Variants in ADO observed in about 807,000 individuals in gnomAD.
ADO encodes 2-aminoethanethiol dioxygenase.
In ADO, 9 loss-of-function variants were observed where a neutral mutation model predicts 16.6. The ratio of observed to expected loss-of-function variants is 0.54; its 90% confidence interval spans 0.33 to 0.95. ADO has a LOEUF of 0.95. Ranked by LOEUF, ADO falls within the 40% of genes least tolerant of loss-of-function variation. The pLI is 0.03. For missense variants in ADO, 356 were observed against 386.4 expected, an observed-to-expected ratio of 0.92 and a Z score of 0.66; for synonymous variants, 189 against 179.6, an observed-to-expected ratio of 1.05 and a Z score of -0.42.
At position 62,805,901 on chromosome 10, in the gene ADO, G is replaced by A. The variant is rs778561789; in HGVS notation, c.*29G>A. The A allele has an allele frequency of 1.4e-6, 2 of 1,459,286 alleles. No homozygotes were observed. The highest frequency in any genetic ancestry group is 2.8e-5 in the South Asian group (2 of 70,468). 90.4% of individuals were successfully genotyped at this position (1,459,286 alleles called of 1,614,324 possible). A position where few individuals can be genotyped will look rare whatever the true frequency, so the allele number is the denominator to read the frequency against. ...CACTGGCGCCCAGGAGCGGTGGGCCGAAGACGTGCCCTACCCTACCACAAG... is the reference window on the plus strand; with the variant it reads ...CACTGGCGCCCAGGAGCGGTGGGCCAAAGACGTGCCCTACCCTACCACAAG... On this transcript the variant is annotated 3_prime_UTR_variant, in exon 1 of 1. Transcript: ENST00000373783. The surrounding 1 kb of genome is among the most constrained non-coding windows in gnomAD (Gnocchi z 6.4).
chr10:62,805,056 G>T lies in ADO; in HGVS notation c.-4G>T, dbSNP rs549513740. 8.2e-5 allele frequency: 121 copies of T among 1,469,022 alleles called. No homozygotes were observed. The East Asian group carries it at 2.7e-3, about 32-fold the overall frequency. 91.0% of individuals were successfully genotyped at this position (1,469,022 alleles called of 1,614,324 possible). On this transcript the variant is annotated 5_prime_UTR_variant, in exon 1 of 1. Transcript: ENST00000373783. The surrounding 1 kb of genome is among the most constrained non-coding windows in gnomAD (Gnocchi z 6.4). ...GGTCCCGGCACGCAGAGGAGCAGCCGACCATGCCCCGAGACAACATGGCCT... is the reference window on the plus strand; with the variant it reads ...GGTCCCGGCACGCAGAGGAGCAGCCTACCATGCCCCGAGACAACATGGCCT...
rs1161386828 is a variant in ADO, at chr10:62,806,065, CT to C, written c.*194del. ...TATGGGGGCGGGGTGGGCGGGGAGG[CT>C]AGATTGTTTCCTGGTACTGTCACTG... On this transcript the variant is annotated 3_prime_UTR_variant, in exon 1 of 1. Transcript: ENST00000373783. 1 of 514,206 alleles carries C rather than the reference CT, an allele frequency of 1.9e-6. No homozygotes were observed. Among genetic ancestry groups the C allele is most frequent in the Non-Finnish European group, 3.5e-6 (1 of 286,516 alleles). 31.9% of individuals were successfully genotyped at this position (514,206 alleles called of 1,614,324 possible).
In ADO at chr10:62,806,095, C is replaced by T. The variant is rs1221914481; in HGVS notation, c.*223C>T. 8.1e-6 allele frequency: 4 copies of T among 493,462 alleles called. No individual in the cohort carries two copies. The highest frequency in any genetic ancestry group is 6.1e-5 in the African/African-American group (3 of 49,088). The allele number at this position is 493,462 out of a possible 1,614,324, so 30.6% of individuals were successfully genotyped here. A position where few individuals can be genotyped will look rare whatever the true frequency, so the allele number is the denominator to read the frequency against. On this transcript the variant is annotated 3_prime_UTR_variant, in exon 1 of 1. Transcript: ENST00000373783. ...TTGTTTCCTGGTACTGTCACTGCCA[C>T]TGGGGCTTTGATTTGGAGGAATGGG...
Position 62,807,808 on chromosome 10 carries a change from AAG to A in ADO, c.*1938_*1939del, listed in dbSNP as rs1242075317. The stretch of plus-strand genomic sequence containing the variant: ...TTTCTTAGAAAACTTCACAAAATAA[AAG>A]ATCTTGTTTTTTTTTCCATAGCACA... On this transcript the variant is annotated 3_prime_UTR_variant, in exon 1 of 1. Coordinates refer to ENST00000373783, the MANE Select transcript of ADO (RefSeq NM_032804.6). The A allele has an allele frequency of 6.0e-6, 1 of 167,200 alleles. No homozygotes were observed. Among genetic ancestry groups the A allele is most frequent in the East Asian group, 1.9e-4 (1 of 5,348 alleles). The allele number at this position is 167,200 out of a possible 1,614,324, so 10.4% of individuals were successfully genotyped here.
At position 62,807,446 on chromosome 10, in the gene ADO, G is replaced by A. The variant is rs1035315133; in HGVS notation, c.*1574G>A. 6.0e-6 allele frequency: 1 copy of A among 167,198 alleles called. No individual in the cohort carries two copies. Among genetic ancestry groups the A allele is most frequent in the Non-Finnish European group, 1.5e-5 (1 of 68,120 alleles). 10.4% of individuals were successfully genotyped at this position (167,198 alleles called of 1,614,324 possible). On this transcript the variant is annotated 3_prime_UTR_variant, in exon 1 of 1. Transcript: ENST00000373783. ...TATTAGTGGAATGTTGACCCCGTAT[G>A]TAGAGAAACAGTACGTGCCTTTGCC...
rs200590234 is a variant in ADO at position 62,805,915 on chromosome 10, C to T, written c.*43C>T. 421 of 1,431,774 alleles carry T rather than the reference C, an allele frequency of 2.9e-4. No homozygotes were observed. Among genetic ancestry groups the T allele is most frequent in the Non-Finnish European group, 3.6e-4 (386 of 1,083,124 alleles). The allele number at this position is 1,431,774 out of a possible 1,614,324, so 88.7% of individuals were successfully genotyped here. ...AGCGGTGGGCCGAAGACGTGCCCTACCCTACCACAAGGGCTGTGTCTCTAC... is the reference window on the plus strand; with the variant it reads ...AGCGGTGGGCCGAAGACGTGCCCTATCCTACCACAAGGGCTGTGTCTCTAC... On this transcript the variant is annotated 3_prime_UTR_variant, in exon 1 of 1. Coordinates refer to ENST00000373783, the MANE Select transcript of ADO (RefSeq NM_032804.6). The surrounding 1 kb of genome is among the most constrained non-coding windows in gnomAD (Gnocchi z 6.4).
rs1219408884 is a variant in ADO, at chr10:62,808,290, T to C, written c.*2418T>C. 1 of 167,298 alleles carries C rather than the reference T, an allele frequency of 6.0e-6. No homozygotes were observed. Among genetic ancestry groups the C allele is most frequent in the East Asian group, 1.9e-4 (1 of 5,348 alleles). 10.4% of individuals were successfully genotyped at this position (167,298 alleles called of 1,614,324 possible). On this transcript the variant is annotated 3_prime_UTR_variant, in exon 1 of 1. Transcript: ENST00000373783. ...GTGCAGAAACTATCTTGCACCTGTGTGCATAAACTGTTAGTCGTGACTGAC... is the reference window on the plus strand; with the variant it reads ...GTGCAGAAACTATCTTGCACCTGTGCGCATAAACTGTTAGTCGTGACTGAC...
Position 62,805,556 on chromosome 10 carries a change from G to A in ADO, c.497G>A (p.Arg166Gln). The change falls in exon 1 of 1, where the codon CGG becomes CAG. Residue 166 changes from arginine (R) to glutamine (Q), a missense_variant. Arg to Gln is a conservative substitution (Grantham distance 43). Transcript: ENST00000373783. The surrounding 1 kb of genome is among the most constrained non-coding windows in gnomAD (Gnocchi z 6.4). Reference protein sequence around the residue: ...PLQPREREAVRPGVLRSRAEY... With the variant: ...PLQPREREAVQPGVLRSRAEY... Reference sequence around the variant, plus strand: ...CAGCCCCGGGAGCGAGAAGCCGTGCGGCCGGGCGTGCTGCGTTCGCGGGCC... The same window carrying A: ...CAGCCCCGGGAGCGAGAAGCCGTGCAGCCGGGCGTGCTGCGTTCGCGGGCC... 6.4e-7 allele frequency: 1 copy of A among 1,555,152 alleles called. No homozygotes were observed.
Position 62,805,887 on chromosome 10 carries a change from A to T in ADO, c.*15A>T. ...TCTTCCCTTGAAGCCACTGGCGCCC[A>T]GGAGCGGTGGGCCGAAGACGTGCCC... On this transcript the variant is annotated 3_prime_UTR_variant, in exon 1 of 1. Transcript: ENST00000373783. The surrounding 1 kb of genome is among the most constrained non-coding windows in gnomAD (Gnocchi z 6.4). 1 of 1,475,240 alleles carries T rather than the reference A, an allele frequency of 6.8e-7. No individual in the cohort carries two copies. The highest frequency in any genetic ancestry group is 9.0e-7 in the Non-Finnish European group (1 of 1,109,052). 91.4% of individuals were successfully genotyped at this position (1,475,240 alleles called of 1,614,324 possible). A position where few individuals can be genotyped will look rare whatever the true frequency, so the allele number is the denominator to read the frequency against.
rs769221523 is a variant in ADO at position 62,805,859 on chromosome 10, A to G, written c.800A>G (p.Lys267Arg). 1.3e-6 allele frequency: 2 copies of G among 1,516,146 alleles called. No individual in the cohort carries two copies. The highest frequency in any genetic ancestry group is 1.4e-5 in the African/African-American group (1 of 71,340). 93.9% of individuals were successfully genotyped at this position (1,516,146 alleles called of 1,614,324 possible). A position where few individuals can be genotyped will look rare whatever the true frequency, so the allele number is the denominator to read the frequency against. Residue 267 changes from lysine (K) to arginine (R), a missense_variant, in exon 1 of 1, where the codon AAG becomes AGG. Lys to Arg is a conservative substitution (Grantham distance 26, BLOSUM62 2). Transcript: ENST00000373783. This position sits in a 1 kb window ranked among gnomAD's most constrained non-coding sequence, Gnocchi z 6.4. ...GAGGGAGAACCCTATCCAGGTCCCA[A>G]GGTCTTCCCTTGAAGCCACTGGCGC... ...WCEGEPYPGP[K>R]VFP is the part of the protein sequence containing the mutation.
Position 62,805,984 on chromosome 10 carries a change from C to G in ADO, c.*112C>G. The G allele has an allele frequency of 1.1e-6, 1 of 944,430 alleles. No homozygotes were observed. 58.5% of individuals were successfully genotyped at this position (944,430 alleles called of 1,614,324 possible). On this transcript the variant is annotated 3_prime_UTR_variant, in exon 1 of 1. Transcript: ENST00000373783. The surrounding 1 kb of genome is among the most constrained non-coding windows in gnomAD (Gnocchi z 6.4). ...GATCTACTGGAATGAGCAGCAGCCG[C>G]TTCCTCGGCAGCCTTGGGAAGCACG...
Position 62,805,329 on chromosome 10 carries a change from C to G in ADO, c.270C>G (p.Ile90Met). The part of the protein sequence containing the change: ...PNLPPVTYMH[I>M]YETDGFSLGV... ...TGCCGCCAGTCACCTACATGCACAT[C>G]TACGAGACGGACGGCTTCAGCCTGG... is the stretch of plus-strand genomic sequence containing the variant. Residue 90 changes from isoleucine to methionine, a missense_variant, in exon 1 of 1, where the codon ATC becomes ATG. Physicochemically the swap from Ile to Met is conservative, Grantham distance 10. Coordinates refer to ENST00000373783, the MANE Select transcript of ADO (RefSeq NM_032804.6). This position sits in a 1 kb window ranked among gnomAD's most constrained non-coding sequence, Gnocchi z 6.4. The G allele has an allele frequency of 6.2e-7, 1 of 1,604,000 alleles. No individual in the cohort carries two copies. Among genetic ancestry groups the G allele is most frequent in the Non-Finnish European group, 8.5e-7 (1 of 1,179,018 alleles).
chr10:62,807,850 TATCA>T lies in ADO; in HGVS notation c.*1983_*1986del, dbSNP rs1384354497. ...TCCATAGCACAGTAATGAATGTGGTTATCAATCACATACTTTTTTGGATTATATT... is the reference window on the plus strand; with the variant it reads ...TCCATAGCACAGTAATGAATGTGGTTATCACATACTTTTTTGGATTATATT... On this transcript the variant is annotated 3_prime_UTR_variant, in exon 1 of 1. Transcript: ENST00000373783. 6.0e-6 allele frequency: 1 copy of T among 167,210 alleles called. No homozygotes were observed. The allele number at this position is 167,210 out of a possible 1,614,324, so 10.4% of individuals were successfully genotyped here.
In ADO at chr10:62,805,845, C is replaced by T. The variant is rs758463123; in HGVS notation, c.786C>T (p.Pro262=). The change falls in exon 1 of 1, where the codon CCC becomes CCT. Residue 262 remains proline, a synonymous_variant. Coordinates refer to ENST00000373783, the MANE Select transcript of ADO (RefSeq NM_032804.6). The surrounding 1 kb of genome is among the most constrained non-coding windows in gnomAD (Gnocchi z 6.4). ...ATGACTTCTGGTGCGAGGGAGAACC[C>T]TATCCAGGTCCCAAGGTCTTCCCTT... ...QADDFWCEGE[P]YPGPKVFP 1.6e-5 allele frequency: 25 copies of T among 1,539,368 alleles called. No individual in the cohort carries two copies. The South Asian group carries it at 2.9e-4, about 18-fold the overall frequency.
At position 62,807,984 on chromosome 10, in the gene ADO, A is replaced by G. The variant is rs1398368242; in HGVS notation, c.*2112A>G. 6.0e-6 allele frequency: 1 copy of G among 167,096 alleles called. No individual in the cohort carries two copies. Among genetic ancestry groups the G allele is most frequent in the Non-Finnish European group, 1.5e-5 (1 of 68,124 alleles). 10.4% of individuals were successfully genotyped at this position (167,096 alleles called of 1,614,324 possible). A position where few individuals can be genotyped will look rare whatever the true frequency, so the allele number is the denominator to read the frequency against. On this transcript the variant is annotated 3_prime_UTR_variant, in exon 1 of 1. Coordinates refer to ENST00000373783, the MANE Select transcript of ADO (RefSeq NM_032804.6). The stretch of plus-strand genomic sequence containing the variant: ...CGAAAACTCATCCTGGCTGTAGGAT[A>G]GTAATAAAGGAAGAATTATGACTTC...
chr10:62,806,775 G>C lies in ADO; in HGVS notation c.*903G>C, dbSNP rs765384863. The C allele has an allele frequency of 4.8e-5, 8 of 166,964 alleles. No individual in the cohort carries two copies. Among genetic ancestry groups the C allele is most frequent in the Non-Finnish European group, 1.2e-4 (8 of 68,122 alleles). 10.3% of individuals were successfully genotyped at this position (166,964 alleles called of 1,614,324 possible). ...GATTCAAAGGAGCTGAATGTGTTATGCTTCCAAACAACTGAATGTAAAACA... is the reference window on the plus strand; with the variant it reads ...GATTCAAAGGAGCTGAATGTGTTATCCTTCCAAACAACTGAATGTAAAACA... On this transcript the variant is annotated 3_prime_UTR_variant, in exon 1 of 1. Coordinates refer to ENST00000373783, the MANE Select transcript of ADO (RefSeq NM_032804.6).
Position 62,805,316 on chromosome 10 carries a change from C to G in ADO, c.257C>G (p.Thr86Ser). The change falls in exon 1 of 1, where the codon ACC becomes AGC. Residue 86 changes from threonine to serine, a missense_variant. Transcript: ENST00000373783. The surrounding 1 kb of genome is among the most constrained non-coding windows in gnomAD (Gnocchi z 6.4). ...CTGCCGCCCAACCTGCCGCCAGTCA[C>G]CTACATGCACATCTACGAGACGGAC... ...QPLPPNLPPV[T>S]YMHIYETDGF... The G allele has an allele frequency of 6.2e-7, 1 of 1,604,384 alleles. No individual in the cohort carries two copies. Among genetic ancestry groups the G allele is most frequent in the East Asian group, 2.2e-5 (1 of 44,786 alleles).
In ADO at chr10:62,806,095, C is replaced by A; in HGVS notation, c.*223C>A. 1 of 493,580 alleles carries A rather than the reference C, an allele frequency of 2.0e-6. No homozygotes were observed. The highest frequency in any genetic ancestry group is 3.6e-6 in the Non-Finnish European group (1 of 274,434). The allele number at this position is 493,580 out of a possible 1,614,324, so 30.6% of individuals were successfully genotyped here. A position where few individuals can be genotyped will look rare whatever the true frequency, so the allele number is the denominator to read the frequency against. On this transcript the variant is annotated 3_prime_UTR_variant, in exon 1 of 1. Coordinates refer to ENST00000373783, the MANE Select transcript of ADO (RefSeq NM_032804.6). The stretch of plus-strand genomic sequence containing the variant: ...TTGTTTCCTGGTACTGTCACTGCCA[C>A]TGGGGCTTTGATTTGGAGGAATGGG...
In ADO at chr10:62,805,960, A is replaced by G; in HGVS notation, c.*88A>G. 1 of 1,202,752 alleles carries G rather than the reference A, an allele frequency of 8.3e-7. No homozygotes were observed. Among genetic ancestry groups the G allele is most frequent in the Non-Finnish European group, 1.1e-6 (1 of 922,690 alleles). 74.5% of individuals were successfully genotyped at this position (1,202,752 alleles called of 1,614,324 possible). On this transcript the variant is annotated 3_prime_UTR_variant, in exon 1 of 1. Transcript: ENST00000373783. The surrounding 1 kb of genome is among the most constrained non-coding windows in gnomAD (Gnocchi z 6.4). ...CTCTACCCCCTAGCCTGGGCGTTGG[A>G]TCTACTGGAATGAGCAGCAGCCGCT...
Sources: gnomAD v4.1 joint callset for allele counts on GRCh38, gnomAD v4.1.1 for gene constraint, Gnocchi (gnomAD v3.1) non-coding constraint, MANE v1.5 for transcripts, NCBI Gene and HGNC (gene_info 2026-07-23, HGNC 2026-07-21) for gene names.